The following POLN variants were observed in gnomAD, a reference collection of about 807,000 sequenced individuals.
POLN encodes DNA polymerase N.
A neutral mutation model predicts 113.5 loss-of-function variants in POLN; 108 were observed. That is an observed-to-expected ratio of 0.95 (90% CI 0.81 to 1.12). The LOEUF (loss-of-function observed/expected upper bound fraction) is 1.12. Ranked by LOEUF, POLN falls within the 50% of genes most tolerant of loss-of-function variation. The pLI is 0.00. For synonymous variants in POLN, 386 were observed against 391.5 expected, an observed-to-expected ratio of 0.99 and a Z score of 0.17; for missense variants, 1,097 against 1,077.1, an observed-to-expected ratio of 1.02 and a Z score of -0.26.
At chr4:2,231,785 A>T in intron 2 of POLN, 1 of 558,904 alleles carries the variant, frequency 1.8e-6, no homozygotes, top group Non-Finnish European at 3.2e-6. Flanking sequence ...ATGAGAAAAA[A>T]GACAAATTAA....
At position 2,109,927 on chromosome 4, in the gene POLN, T is replaced by C. The variant is rs76214478; in HGVS notation, c.1983-13994A>G. ...TAAATATCCCATTTTTTCTCCTTCA[T>C]TGATATTTTAGCTTGACTTCTTTTG... On this transcript the variant is annotated intron_variant, in intron 19 of 25. Coordinates refer to ENST00000511885, the MANE Select transcript of POLN (RefSeq NM_181808.4). Among the ~76,000 whole-genome samples, 363 of 152,328 alleles carry C rather than the reference T, an allele frequency of 2.4e-3. 2 individuals carry two copies. The highest frequency in any genetic ancestry group is 8.0e-3 in the African/African-American group (334 of 41,570).
chr4:2,151,300 AGACC>A (rs895202482), intron 16 of POLN, among the ~76,000 whole-genome samples: 2 of 152,240 alleles, frequency 1.3e-5, no homozygotes, highest in African/African-American at 4.8e-5. Context: ...CAAATTAGAA[AGACC>A]GGCCAGATCA....
intron 20 of POLN, chr4:2,090,214 T>C (rs758640333): frequency 2.0e-5 from 16 of 815,604 alleles, no homozygotes; most frequent in Middle Eastern, 4.6e-4. Context: ...GTAGATACTC[T>C]TCCCTCATTC....
intron 13 of POLN, among the ~76,000 whole-genome samples, chr4:2,161,308 T>C (rs780291963): frequency 9.5e-4 from 145 of 152,270 alleles, no homozygotes; most frequent in Middle Eastern, 3.4e-3. Flanking sequence ...CGCGGGGCGC[T>C]TGCAGGCCAG....
At chr4:2,134,131 T>C (rs1298734975) in intron 16 of POLN, among the ~76,000 whole-genome samples, 1 of 152,238 alleles carries the variant, frequency 6.6e-6, no homozygotes, top group Non-Finnish European at 1.5e-5. Flanking sequence ...TCCAGATTGA[T>C]TTATTTCATT....
At chr4:2,198,752 C>A in intron 5 of POLN, 35 bp from the exon 6 acceptor site, 2 of 1,528,306 alleles carry the variant, frequency 1.3e-6, no homozygotes, top group Non-Finnish European at 1.8e-6. Flanking sequence ...TAAACCCAGA[C>A]AACATATCTG....
At chr4:2,131,449 A>G (rs1045071842) in intron 16 of POLN, among the ~76,000 whole-genome samples, 159 bp from the exon 17 acceptor site, 2 of 152,256 alleles carry the variant, frequency 1.3e-5, no homozygotes, top group Non-Finnish European at 2.9e-5. Flanking sequence ...TCTAATATCA[A>G]AACATAATTT....
chr4:2,164,381 A>C (rs1282612141), intron 13 of POLN, among the ~76,000 whole-genome samples: 1 of 151,570 alleles, frequency 6.6e-6, no homozygotes, highest in Non-Finnish European at 1.5e-5. Context: ...CATGCCTATT[A>C]TCCCAGCTAC....
chr4:2,186,081 G>A (rs889210297), intron 7 of POLN, among the ~76,000 whole-genome samples: 2 of 152,180 alleles, frequency 1.3e-5, no homozygotes, highest in African/African-American at 4.8e-5. Flanking sequence ...ACTCCATGCA[G>A]ACAGTAAGAG....
chr4:2,162,764 A>T (rs1186742006), intron 13 of POLN, among the ~76,000 whole-genome samples: 2 of 147,572 alleles, frequency 1.4e-5, no homozygotes, highest in African/African-American at 5.0e-5. Context: ...GCCCGATTTT[A>T]TTTTTTTTTT....
intron 4 of POLN, among the ~76,000 whole-genome samples, chr4:2,212,247 A>G (rs1734011232): frequency 6.6e-6 from 1 of 152,196 alleles, no homozygotes; most frequent in South Asian, 2.1e-4. Context: ...ACCCATTGTG[A>G]ATGTTATAGC....
intron 13 of POLN, among the ~76,000 whole-genome samples, chr4:2,164,802 C>CAA (rs33935159): frequency 7.0e-5 from 2 of 28,718 alleles, no homozygotes; most frequent in African/African-American, 1.2e-4. Context: ...GACTCTGTCT[C>CAA]AAAAAAAAAA....
At chr4:2,217,778 G>A (rs926955022) in intron 3 of POLN, among the ~76,000 whole-genome samples, 4 of 152,204 alleles carry the variant, frequency 2.6e-5, no homozygotes, top group Admixed American at 2.0e-4. Flanking sequence ...CACAAGGTCT[G>A]TTGGGTTGGA....
At chr4:2,237,527 G>A (rs1417140454) in intron 2 of POLN, among the ~76,000 whole-genome samples, 3 of 151,346 alleles carry the variant, frequency 2.0e-5, no homozygotes, top group African/African-American at 4.9e-5. Context: ...AAGGAAGGAG[G>A]GAAGGAAGGA....
intron 2 of POLN, among the ~76,000 whole-genome samples, chr4:2,235,084 C>T (rs1396471260): frequency 6.6e-6 from 1 of 152,190 alleles, no homozygotes; most frequent in South Asian, 2.1e-4. Flanking sequence ...TGGGGTTTCA[C>T]CACCTTGGCC....
Position 2,129,593 on chromosome 4 carries a change from T to C in POLN, c.1790-337A>G, listed in dbSNP as rs536801235. Among the ~76,000 whole-genome samples the C allele has an allele frequency of 5.2e-4, 79 of 152,316 alleles. 1 individual carries two copies. Among genetic ancestry groups the C allele is most frequent in the Admixed American group, 4.4e-3 (68 of 15,308 alleles). ...CTTGTAGAGACAGGGTCTCACTATG[T>C]TGCCCAGGCTGGTCTCAAACTCTCA... On this transcript the variant is annotated intron_variant, in intron 17 of 25. Transcript: ENST00000511885.
chr4:2,183,988 G>C (rs1051844329), intron 7 of POLN, among the ~76,000 whole-genome samples: 1 of 151,484 alleles, frequency 6.6e-6, no homozygotes, highest in African/African-American at 2.4e-5. Context: ...TGAGTAGCTG[G>C]AACTACAGGC....
At chr4:2,198,232 A>G (rs1008067645) in intron 6 of POLN, among the ~76,000 whole-genome samples, 1 of 151,988 alleles carries the variant, frequency 6.6e-6, no homozygotes, top group Non-Finnish European at 1.5e-5. Flanking sequence ...GTGACAGGGG[A>G]TTTTCAGGGT....
intron 14 of POLN, among the ~76,000 whole-genome samples, chr4:2,158,691 G>T (rs538752716): frequency 3.3e-5 from 5 of 152,216 alleles, no homozygotes; most frequent in Admixed American, 6.5e-5. Context: ...GAAGGAAATG[G>T]CAGGTGTGTG....
Sources: gnomAD v4.1 joint callset for allele counts (sites outside exome capture counted in the v4.1 genomes callset) on GRCh38, gnomAD v4.1.1 for gene constraint, MANE v1.5 for transcripts, NCBI Gene and HGNC (gene_info 2026-07-23, HGNC 2026-07-21) for gene names.